KCTD14: variants seen among roughly 807,000 people sequenced by gnomAD.
KCTD14 encodes the protein potassium channel tetramerization domain containing 14.
Under a neutral mutation model 5.9 loss-of-function variants are expected in KCTD14, and 7 were observed. The observed-to-expected ratio is 1.19, with a 90% CI of 0.68 to 2.23. The LOEUF is 2.23. Among genes scored for constraint, KCTD14 ranks in the 30% most tolerant of loss-of-function variants. The pLI is 0.00. For synonymous variants in KCTD14, 140 were observed against 133.1 expected, an observed-to-expected ratio of 1.05 and a Z score of -0.36; for missense variants, 342 against 332.2, an observed-to-expected ratio of 1.03 and a Z score of -0.23.
At chr11:78,033,282 T>C (rs1238327195) in intron 2 of KCTD14, among the ~76,000 whole-genome samples, 1 of 152,184 alleles carries the variant, frequency 6.6e-6, no homozygotes, top group Non-Finnish European at 1.5e-5. Flanking sequence ...TAAATGTCCA[T>C]CATTTGGGGA....
At chr11:78,043,433 G>T (rs545720175) in intron 1 of KCTD14, among the ~76,000 whole-genome samples, 1 of 152,322 alleles carries the variant, frequency 6.6e-6, no homozygotes, top group African/African-American at 2.4e-5. Context: ...GTGAGCCACT[G>T]CACCCAGCCT....
upstream of KCTD14, chr11:78,023,324 C>G: frequency 6.8e-7 from 1 of 1,466,434 alleles, no homozygotes; most frequent in Non-Finnish European, 9.4e-7. Context: ...CAAGGCGGGA[C>G]GGGGCTGAGC....
chr11:78,043,060 G>A (rs1858038926), intron 1 of KCTD14, among the ~76,000 whole-genome samples: 1 of 152,132 alleles, frequency 6.6e-6, no homozygotes, highest in African/African-American at 2.4e-5. Flanking sequence ...CCCTGCCTTG[G>A]CCTCCCAAAG....
chr11:78,018,031 A>C (rs1041659254), intron 1 of KCTD14, among the ~76,000 whole-genome samples: 7 of 152,156 alleles, frequency 4.6e-5, no homozygotes, highest in Non-Finnish European at 1.0e-4. Context: ...TAGGAGGTGG[A>C]GGCTGCAGTG....
rs1482744976 is a variant in KCTD14, at chr11:78,046,187, T to G, written c.-222A>C. 1.4e-5 allele frequency: 13 copies of G among 927,036 alleles called. No homozygotes were observed. The East Asian group carries it at 9.4e-4, about 67-fold the overall frequency. 57.4% of individuals were successfully genotyped at this position (927,036 alleles called of 1,614,324 possible). Reference sequence around the variant, plus strand: ...AGGAGCAGGAAAGAAAGAGATCGGCTCAGTGCTTTTCCCTGCTAAGTCAAG... The same window carrying G: ...AGGAGCAGGAAAGAAAGAGATCGGCGCAGTGCTTTTCCCTGCTAAGTCAAG... On this transcript the variant is annotated 5_prime_UTR_variant, in exon 1 of 3. Transcript: ENST00000533144.
At chr11:78,046,012 G>A (rs951163960) in intron 1 of KCTD14, 2 of 780,682 alleles carry the variant, frequency 2.6e-6, no homozygotes, top group South Asian at 5.8e-5. Context: ...CTCAGGAGGG[G>A]AGCGTTTGCC....
chr11:78,045,493 C>G (rs896133779), intron 1 of KCTD14, among the ~76,000 whole-genome samples: 8 of 152,190 alleles, frequency 5.3e-5, no homozygotes, highest in African/African-American at 1.9e-4. Flanking sequence ...AGAACTCAGG[C>G]TCAACATCCT....
At chr11:78,021,384 G>A (rs184189612) in intron 1 of KCTD14, among the ~76,000 whole-genome samples, 135 of 150,730 alleles carry the variant, frequency 9.0e-4, no homozygotes, top group African/African-American at 3.1e-3. Context: ...GACCTCAGCC[G>A]TGTTCCTAAG....
intron 1 of KCTD14, among the ~76,000 whole-genome samples, chr11:78,019,902 C>T (rs1165192673): frequency 6.6e-6 from 1 of 152,204 alleles, no homozygotes; most frequent in Non-Finnish European, 1.5e-5. Context: ...CAAGCTTGAG[C>T]TCTTAGTCAT....
rs376441010 is a variant in KCTD14, at chr11:78,016,981, T to C, written c.380A>G (p.Gln127Arg). The part of the protein sequence containing the change: ...PLVKLLEDMP[Q>R]IFGEQVSRKQ... ...CCGAGACACCTGCTCACCAAAGATC[T>C]GTGGCATGTCCTCCAGCAGCTTGAC... is the stretch of plus-strand genomic sequence containing the variant. Residue 127 changes from glutamine to arginine, a missense_variant, in exon 2 of 2, where the codon CAG (glutamine) becomes CGG (arginine). Physicochemically the swap from Gln to Arg is conservative, Grantham distance 43. Transcript: ENST00000353172. 1 of 1,614,194 alleles carries C rather than the reference T, an allele frequency of 6.2e-7. No individual in the cohort carries two copies.
chr11:78,031,715 A>G (rs934525842), intron 2 of KCTD14, among the ~76,000 whole-genome samples: 1 of 152,146 alleles, frequency 6.6e-6, no homozygotes, highest in Non-Finnish European at 1.5e-5. Flanking sequence ...GAGGAGGAAC[A>G]CATATTTGCC....
upstream of KCTD14, among the ~76,000 whole-genome samples, chr11:78,024,343 C>A (rs2136716367): frequency 6.8e-6 from 1 of 147,328 alleles, no homozygotes; most frequent in African/African-American, 2.5e-5. Flanking sequence ...TAAGATTGCA[C>A]CACTGAACTC....
At chr11:78,023,034 AGC>A (rs2136712506) in intron 1 of KCTD14, 124 bp downstream of exon 1, 1 of 650,796 alleles carries the variant, frequency 1.5e-6, no homozygotes, top group Non-Finnish European at 2.7e-6. Flanking sequence ...GAAGGGGGAC[AGC>A]GCGCCAGAAG....
In KCTD14 at chr11:78,017,057, G is replaced by T; in HGVS notation, c.304C>A (p.His102Asn). Residue 102 changes from histidine to asparagine, a missense_variant, in exon 2 of 2, where the codon CAC becomes AAC. Physicochemically the swap from His to Asn is moderately conservative, Grantham distance 68 (BLOSUM62 1). Coordinates refer to ENST00000353172, the MANE Select transcript of KCTD14 (RefSeq NM_023930.4). The stretch of plus-strand genomic sequence containing the variant: ...GCCTCACGGTACACTTCAGGGATGT[G>T]CTGTGTGGGCACTTGCCCAGTGCGC... ...YLRTGQVPTQHIPEVYREAQF... is the reference protein window; with the variant it reads ...YLRTGQVPTQNIPEVYREAQF... 1 of 1,614,262 alleles carries T rather than the reference G, an allele frequency of 6.2e-7. No individual in the cohort carries two copies. The highest frequency in any genetic ancestry group is 8.5e-7 in the Non-Finnish European group (1 of 1,180,054).
At chr11:78,025,118 G>GTGTGTGTGTATA (rs1230114793), upstream of KCTD14, among the ~76,000 whole-genome samples, 2 of 44,484 alleles carry the variant, frequency 4.5e-5, no homozygotes, top group South Asian at 1.1e-3. Flanking sequence ...GTGTGTGTGT[G>GTGTGTGTGTATA]TATATATATA....
upstream of KCTD14, among the ~76,000 whole-genome samples, chr11:78,027,190 G>A (rs1326169376): frequency 6.6e-6 from 1 of 152,140 alleles, no homozygotes; most frequent in African/African-American, 2.4e-5. Flanking sequence ...CGAAAAGACT[G>A]GACAGCTGGA....
chr11:78,035,313 A>T (rs1446584409), intron 2 of KCTD14, among the ~76,000 whole-genome samples: 3 of 151,906 alleles, frequency 2.0e-5, no homozygotes, highest in Non-Finnish European at 4.4e-5. Flanking sequence ...TTAGCGGGAG[A>T]TCAGAGGCAA....
rs1266071509 is a variant in KCTD14 at position 78,016,411 on chromosome 11, T to G, written c.*182A>C. 2 of 605,566 alleles carry G rather than the reference T, an allele frequency of 3.3e-6. No individual in the cohort carries two copies. The highest frequency in any genetic ancestry group is 2.1e-5 in the South Asian group (1 of 47,720). The allele number at this position is 605,566 out of a possible 1,614,324, so 37.5% of individuals were successfully genotyped here. The stretch of plus-strand genomic sequence containing the variant: ...GTAGCTGCAAGTTGCTAGGCAAATA[T>G]AGTGGCATCAGTTGCAATGGAGTGG... On this transcript the variant is annotated 3_prime_UTR_variant, in exon 2 of 2. Transcript: ENST00000353172.
At chr11:78,044,957 A>ATG (rs1858095098) in intron 1 of KCTD14, among the ~76,000 whole-genome samples, 1 of 152,026 alleles carries the variant, frequency 6.6e-6, no homozygotes, top group Non-Finnish European at 1.5e-5. Context: ...AGGGGCCCGC[A>ATG]TGTGTAGTAT....
Sources: allele counts gnomAD v4.1 joint callset (sites outside exome capture counted in the v4.1 genomes callset), GRCh38; gene constraint gnomAD v4.1.1; transcripts MANE v1.5; gene names NCBI Gene and HGNC (gene_info 2026-07-23, HGNC 2026-07-21).